Variants in PDHX observed in about 807,000 individuals in gnomAD.
The protein encoded by PDHX is pyruvate dehydrogenase protein X component, mitochondrial.
Under a neutral mutation model 55.3 loss-of-function variants are expected in PDHX, and 33 were observed. That is an observed-to-expected ratio of 0.60 (90% CI 0.45 to 0.80). The LOEUF (loss-of-function observed/expected upper bound fraction) is 0.80. Ranked by LOEUF, PDHX falls within the 30% of genes least tolerant of loss-of-function variation. The probability of loss-of-function intolerance (pLI) is 0.00; values close to 1 mark genes in which losing one functional copy is unlikely to be tolerated. For missense variants in PDHX, 622 were observed against 619.9 expected (o/e 1.00, Z -0.04); for synonymous variants, 226 against 219.4 (o/e 1.03, Z -0.27).
intron 7 of PDHX, 29 bp downstream of exon 7, chr11:34,970,315 A>C (rs867488014): frequency 1.3e-6 from 2 of 1,551,366 alleles, no homozygotes; most frequent in East Asian, 2.2e-5. Context: ...ACTTAATACA[A>C]AACACATGCT....
Position 34,978,292 on chromosome 11 carries a change from G to A in PDHX, c.1023+110G>A, listed in dbSNP as rs111592412. ...TTTAAATCACAAAAATTTTATAATT[G>A]TCTTGCTAAAAATATCCTATCGTTT... On this transcript the variant is annotated intron_variant, in intron 8 of 10. Coordinates refer to ENST00000227868, the MANE Select transcript of PDHX (RefSeq NM_003477.3). 5.4e-5 allele frequency: 39 copies of A among 720,992 alleles called. No homozygotes were observed. The African/African-American group carries it at 6.3e-4, about 12-fold the overall frequency. 44.7% of individuals were successfully genotyped at this position (720,992 alleles called of 1,614,324 possible).
intron 1 of PDHX, among the ~76,000 whole-genome samples, chr11:34,918,079 C>G (rs773352318): frequency 1.3e-5 from 2 of 152,110 alleles, no homozygotes; most frequent in Non-Finnish European, 2.9e-5. Flanking sequence ...GTTTATCAAG[C>G]AGATCCTTTT....
intron 6 of PDHX, among the ~76,000 whole-genome samples, chr11:34,969,688 C>T (rs1855214424): frequency 6.6e-6 from 1 of 152,050 alleles, no homozygotes; most frequent in Non-Finnish European, 1.5e-5. Flanking sequence ...AAGCTGCTTA[C>T]AGATGGTGTA....
intron 1 of PDHX, among the ~76,000 whole-genome samples, chr11:34,929,231 T>A (rs1199974369): frequency 6.6e-6 from 1 of 152,048 alleles, no homozygotes; most frequent in East Asian, 1.9e-4. Flanking sequence ...GTAGTAAAAG[T>A]GGTATTTTTG....
At chr11:34,946,888 C>G (rs1024324673) in intron 2 of PDHX, among the ~76,000 whole-genome samples, 1 of 152,210 alleles carries the variant, frequency 6.6e-6, no homozygotes, top group Non-Finnish European at 1.5e-5. Context: ...TGCTCCAAAC[C>G]TGCTCCTAAA....
chr11:34,970,366 A>C (rs1855232089), intron 7 of PDHX, 80 bp downstream of exon 7: 2 of 1,154,574 alleles, frequency 1.7e-6, no homozygotes, highest in Admixed American at 3.8e-5. Context: ...TTATAAAATT[A>C]AAAGCTACAT....
At chr11:34,926,188 C>A (rs1322030855) in intron 1 of PDHX, among the ~76,000 whole-genome samples, 2 of 152,170 alleles carry the variant, frequency 1.3e-5, no homozygotes, top group African/African-American at 2.4e-5. Flanking sequence ...CTATAACTGC[C>A]TTTATTCCAA....
At chr11:34,976,698 A>G (rs1855384125) in intron 7 of PDHX, among the ~76,000 whole-genome samples, 1 of 152,232 alleles carries the variant, frequency 6.6e-6, no homozygotes, top group Admixed American at 6.5e-5. Context: ...GTGACATAGG[A>G]GCCAGTAAAA....
At chr11:34,947,166 A>G (rs1011942852) in intron 2 of PDHX, among the ~76,000 whole-genome samples, 1 of 152,212 alleles carries the variant, frequency 6.6e-6, no homozygotes. Flanking sequence ...TAAGGGGGAT[A>G]TGGAGTCTGG....
At chr11:34,956,107 G>T (rs368779283) in intron 3 of PDHX, among the ~76,000 whole-genome samples, 3 of 151,910 alleles carry the variant, frequency 2.0e-5, no homozygotes, top group Non-Finnish European at 2.9e-5. Context: ...TTAGTATGTG[G>T]CAAACAACTA....
chr11:34,917,172 A>G (rs1321911919), intron 1 of PDHX, among the ~76,000 whole-genome samples: 1 of 152,162 alleles, frequency 6.6e-6, no homozygotes, highest in Non-Finnish European at 1.5e-5. Context: ...CTCGGACGAG[A>G]AAAAGCTGCC....
intron 2 of PDHX, among the ~76,000 whole-genome samples, chr11:34,941,048 A>C (rs1410685674): frequency 6.7e-6 from 1 of 148,158 alleles, no homozygotes; most frequent in African/African-American, 2.5e-5. Flanking sequence ...TTCTGTGTTA[A>C]ACTGTCGAAT....
chr11:34,972,524 A>T (rs1458822021), intron 7 of PDHX, among the ~76,000 whole-genome samples: 1 of 151,640 alleles, frequency 6.6e-6, no homozygotes, highest in African/African-American at 2.4e-5. Flanking sequence ...CAGTGCCCTG[A>T]GTAGCTAGGA....
At position 34,995,438 on chromosome 11, in the gene PDHX, G is replaced by A; in HGVS notation, c.*266G>A. 2.4e-6 allele frequency: 1 copy of A among 421,088 alleles called. No homozygotes were observed. The highest frequency in any genetic ancestry group is 3.6e-5 in the Admixed American group (1 of 27,416). 26.1% of individuals were successfully genotyped at this position (421,088 alleles called of 1,614,324 possible). A position where few individuals can be genotyped will look rare whatever the true frequency, so the allele number is the denominator to read the frequency against. On this transcript the variant is annotated 3_prime_UTR_variant, in exon 11 of 11. Coordinates refer to ENST00000227868, the MANE Select transcript of PDHX (RefSeq NM_003477.3). ...TTTTTAACCTCTGGTGCTGTATAAA[G>A]GGAATATTAAACTAGATGTAAATCA...
intron 3 of PDHX, among the ~76,000 whole-genome samples, chr11:34,952,408 T>C (rs1205326433): frequency 6.6e-6 from 1 of 152,166 alleles, no homozygotes; most frequent in East Asian, 1.9e-4. Flanking sequence ...TTTAGACCAG[T>C]ATCCTTGGTG....
intron 2 of PDHX, among the ~76,000 whole-genome samples, chr11:34,937,717 CCCTAAAGAGTCCT>C (rs1317805654): frequency 6.6e-6 from 1 of 152,078 alleles, no homozygotes; most frequent in Non-Finnish European, 1.5e-5. Flanking sequence ...ATGCCTACTC[CCCTAAAGAGTCCT>C]CCTGAGGGTC....
intron 2 of PDHX, among the ~76,000 whole-genome samples, chr11:34,939,965 G>T (rs1004871628): frequency 2.6e-5 from 4 of 152,048 alleles, no homozygotes; most frequent in Non-Finnish European, 5.9e-5. Flanking sequence ...TTTGGAGGGG[G>T]CATGTGCTTC....
At chr11:34,974,445 G>A (rs1223905447) in intron 7 of PDHX, among the ~76,000 whole-genome samples, 3 of 151,992 alleles carry the variant, frequency 2.0e-5, no homozygotes, top group Non-Finnish European at 4.4e-5. Flanking sequence ...TTACCTTTTG[G>A]CTATTGTGAA....
chr11:34,968,578 T>C (rs1227143501), intron 6 of PDHX, among the ~76,000 whole-genome samples: 1 of 152,186 alleles, frequency 6.6e-6, no homozygotes, highest in African/African-American at 2.4e-5. Flanking sequence ...GAATATTTTA[T>C]TATCTCATTC....
Sources: gnomAD v4.1 joint callset for allele counts (sites outside exome capture counted in the v4.1 genomes callset) on GRCh38, gnomAD v4.1.1 for gene constraint, MANE v1.5 for transcripts, NCBI Gene and HGNC (gene_info 2026-07-23, HGNC 2026-07-21) for gene names.